The following MAPT variants were observed in gnomAD, a reference collection of about 807,000 sequenced individuals.
The protein encoded by MAPT is microtubule-associated protein tau.
In MAPT, 34 loss-of-function variants were observed where a neutral mutation model predicts 67.9. That is an observed-to-expected ratio of 0.50 (90% confidence interval 0.38 to 0.67). The LOEUF is 0.67. Ranked by LOEUF, MAPT falls within the 30% of genes least tolerant of loss-of-function variation. MAPT has a pLI of 0.00. For missense variants in MAPT, 881 were observed against 1,115.2 expected (o/e 0.79, Z 2.99); for synonymous variants, 456 against 464.5 (o/e 0.98, Z 0.23).
In MAPT at chr17:45,897,859, A is replaced by G. The variant is rs1229039648; in HGVS notation, c.-18+3173A>G. 1 of 152,034 alleles carries G rather than the reference A, an allele frequency of 6.6e-6. No homozygotes were observed. The highest frequency in any genetic ancestry group is 1.5e-5 in the Non-Finnish European group (1 of 68,038). 9.4% of individuals were successfully genotyped at this position (152,034 alleles called of 1,614,324 possible). ...CTATCTGATCCCCCTCGGCCCCTTA[A>G]CTGACCCATCCTACAGGAGACAGGG... is the stretch of plus-strand genomic sequence containing the variant. On this transcript the variant is annotated intron_variant, in intron 1 of 12. Coordinates refer to ENST00000262410, the MANE Select transcript of MAPT (RefSeq NM_001377265.1). This position sits in a 1 kb window ranked among gnomAD's most constrained non-coding sequence, Gnocchi z 5.0.
At chr17:45,977,444 TC>T (rs2072486431) in intron 3 of MAPT, 1 of 152,274 alleles carries the variant, frequency 6.6e-6, no homozygotes, top group African/African-American at 2.4e-5. Flanking sequence ...TGCTGGTGAT[TC>T]TGGTGGCCTG....
intron 4 of MAPT, among the ~76,000 whole-genome samples, chr17:45,981,634 T>C (rs896187423): frequency 1.3e-5 from 2 of 152,174 alleles, no homozygotes; most frequent in African/African-American, 4.8e-5. Flanking sequence ...CAGTAAAGAC[T>C]CCATTCTTGA....
At chr17:46,012,323 G>A (rs1450317492) in intron 10 of MAPT, among the ~76,000 whole-genome samples, 1 of 152,106 alleles carries the variant, frequency 6.6e-6, no homozygotes, top group Admixed American at 6.5e-5. Context: ...CCCGCGCTGT[G>A]TTCATCTGCG....
At chr17:45,930,123 G>T (rs887651675) in intron 1 of MAPT, among the ~76,000 whole-genome samples, 1 of 152,156 alleles carries the variant, frequency 6.6e-6, no homozygotes, top group African/African-American at 2.4e-5. Flanking sequence ...AAGGAAGATG[G>T]GTGCGGTGGC....
rs939735040 is a variant in MAPT at position 46,014,791 on chromosome 17, G to A, written c.2173+467G>A. 8.6e-5 allele frequency among the ~76,000 whole-genome samples: 13 copies of A among 151,776 alleles called. No individual in the cohort carries two copies. In the East Asian group the frequency reaches 1.4e-3, roughly 16 times the overall value. On this transcript the variant is annotated intron_variant, in intron 11 of 12. Transcript: ENST00000262410. ...CCGGAGGCTGAGGCAGGAAAATGGC[G>A]TGAACCCGGAAGGCGGAGCTTGCAG...
intron 1 of MAPT, among the ~76,000 whole-genome samples, chr17:45,901,260 G>T (rs901485378): frequency 6.6e-6 from 1 of 152,176 alleles, no homozygotes. Context: ...AGCCCAAACT[G>T]ACCTGCCTTC....
At chr17:45,934,964 C>T (rs1291608492) in intron 1 of MAPT, among the ~76,000 whole-genome samples, 4 of 152,100 alleles carry the variant, frequency 2.6e-5, no homozygotes, top group South Asian at 2.1e-4. Flanking sequence ...GCAAAGGAAG[C>T]GCTTCTGTTT....
At chr17:46,009,829 A>T (rs1568326058) in intron 9 of MAPT, among the ~76,000 whole-genome samples, 1 of 152,214 alleles carries the variant, frequency 6.6e-6, no homozygotes, top group Non-Finnish European at 1.5e-5. Flanking sequence ...GGTGATTCTG[A>T]TGCCCGGCAG....
chr17:45,954,527 G>A (rs530964024), intron 1 of MAPT, among the ~76,000 whole-genome samples: 1 of 152,302 alleles, frequency 6.6e-6, no homozygotes, highest in South Asian at 2.1e-4. Flanking sequence ...GGAGACTGAG[G>A]TGGGAGGATC....
Position 45,941,695 on chromosome 17 carries a change from CTT to C in MAPT, c.-17-20625_-17-20624del, listed in dbSNP as rs1450235293. The stretch of plus-strand genomic sequence containing the variant: ...CCCCCCTTCCCTCCTTCCTTCCTTC[CTT>C]CCTGCCTGCCTTCCTTCCTTCCTTC... On this transcript the variant is annotated intron_variant, in intron 1 of 12. Coordinates refer to ENST00000262410, the MANE Select transcript of MAPT (RefSeq NM_001377265.1). 3.3e-3 allele frequency among the ~76,000 whole-genome samples: 231 copies of C among 69,914 alleles called. 17 individuals carry two copies. The highest frequency in any genetic ancestry group is 6.7e-3 in the South Asian group (12 of 1,804). The allele number at this position is 69,914 out of a possible 152,430, so 45.9% of individuals were successfully genotyped here.
chr17:45,949,886 G>T (rs8080502), intron 1 of MAPT, among the ~76,000 whole-genome samples: 1 of 152,188 alleles, frequency 6.6e-6, no homozygotes, highest in Non-Finnish European at 1.5e-5. Context: ...GCCCCAGATC[G>T]TGGGAAACCT....
At chr17:45,933,295 A>G (rs113952577) in intron 1 of MAPT, among the ~76,000 whole-genome samples, 21,321 of 147,544 alleles carry the variant, frequency 0.14, 2,091 homozygotes, top group Middle Eastern at 0.22. Flanking sequence ...CCAGGCTGGA[A>G]TGCAGTGACT....
rs796738187 is a variant in MAPT, at chr17:45,933,094, C to CA, written c.-17-29216dup. On this transcript the variant is annotated intron_variant, in intron 1 of 12. Coordinates refer to ENST00000262410, the MANE Select transcript of MAPT (RefSeq NM_001377265.1). ...TGAAACTCTGTTTCAAACAAACAAACAAAAAAAAAAACCTCTTGGACCAGG... is the reference window on the plus strand; with the variant it reads ...TGAAACTCTGTTTCAAACAAACAAACAAAAAAAAAAAACCTCTTGGACCAGG... 3.2e-3 allele frequency among the ~76,000 whole-genome samples: 445 copies of CA among 138,644 alleles called. 3 individuals are homozygous for CA. The highest frequency in any genetic ancestry group is 9.9e-3 in the African/African-American group (383 of 38,854). 91.0% of individuals were successfully genotyped at this position (138,644 alleles called of 152,430 possible). A position where few individuals can be genotyped will look rare whatever the true frequency, so the allele number is the denominator to read the frequency against.
chr17:46,017,626 G>GT (rs2076272435), intron 11 of MAPT, among the ~76,000 whole-genome samples: 1 of 148,696 alleles, frequency 6.7e-6, no homozygotes, highest in South Asian at 2.1e-4. Context: ...ACTAATTTTT[G>GT]TATTTTTTTT....
At chr17:45,919,357 C>A (rs1356791836) in intron 1 of MAPT, among the ~76,000 whole-genome samples, 6 of 152,192 alleles carry the variant, frequency 3.9e-5, no homozygotes, top group Non-Finnish European at 7.3e-5. Context: ...GGCGCCCCCC[C>A]CGCCTGCCCT....
chr17:46,016,390 CA>C (rs1263862033), intron 11 of MAPT, among the ~76,000 whole-genome samples: 1,719 of 100,996 alleles, frequency 0.017, 22 homozygotes, highest in African/African-American at 0.046. Context: ...GACTCCGTCT[CA>C]AAAAAAAAAA....
At chr17:45,993,935 G>C in intron 8 of MAPT, 1 of 1,575,432 alleles carries the variant, frequency 6.3e-7, no homozygotes, top group South Asian at 1.2e-5. Flanking sequence ...GACTAAGCAA[G>C]TCCAGAGAAG....
intron 8 of MAPT, 135 bp downstream of exon 8, chr17:45,991,721 C>A: frequency 8.9e-7 from 1 of 1,129,782 alleles, no homozygotes; most frequent in Non-Finnish European, 1.3e-6. Flanking sequence ...TTACTAAGCA[C>A]TGGAGTCTTC....
At chr17:46,022,968 C>T (rs868196369) in intron 12 of MAPT, among the ~76,000 whole-genome samples, 1 of 152,190 alleles carries the variant, frequency 6.6e-6, no homozygotes, top group Non-Finnish European at 1.5e-5. Context: ...CCCATCCACA[C>T]ATAAAAAGGC....
Sources: gnomAD v4.1 joint callset for allele counts (sites outside exome capture counted in the v4.1 genomes callset) on GRCh38, gnomAD v4.1.1 for gene constraint, Gnocchi (gnomAD v3.1) non-coding constraint, MANE v1.5 for transcripts, NCBI Gene and HGNC (gene_info 2026-07-23, HGNC 2026-07-21) for gene names.